The following DSG1 variants were observed in gnomAD, a reference collection of about 807,000 sequenced individuals.
DSG1 encodes desmoglein-1.
Under a neutral mutation model 97.5 loss-of-function variants are expected in DSG1, and 39 were observed. That is an observed-to-expected ratio of 0.40 (90% CI 0.31 to 0.52). The LOEUF is 0.52. Among genes scored for constraint, DSG1 ranks in the 20% least tolerant of loss-of-function variants. The pLI is 0.53. For missense variants in DSG1, 1,311 were observed against 1,295.4 expected (o/e 1.01, Z -0.18); for synonymous variants, 475 against 443.4 (o/e 1.07, Z -0.90).
At position 31,354,716 on chromosome 18, in the gene DSG1, T is replaced by G; in HGVS notation, c.2520T>G (p.Ser840=). 2 of 1,614,060 alleles carry G rather than the reference T, an allele frequency of 1.2e-6. No individual in the cohort carries two copies. Among genetic ancestry groups the G allele is most frequent in the Non-Finnish European group, 1.7e-6 (2 of 1,180,008 alleles). ...LGYGNVTVTE[S]YTTSDTLKPS... ...ATGGTAATGTCACTGTGACCGAGTCTTACACCACCTCTGACACTCTGAAGC... is the reference window on the plus strand; with the variant it reads ...ATGGTAATGTCACTGTGACCGAGTCGTACACCACCTCTGACACTCTGAAGC... Residue 840 remains serine, a synonymous_variant, in exon 15 of 15, where the codon TCT becomes TCG. Coordinates refer to ENST00000257192, the MANE Select transcript of DSG1 (RefSeq NM_001942.4).
At chr18:31,333,155 A>G (rs9304092) in intron 6 of DSG1, among the ~76,000 whole-genome samples, 2,335 of 152,314 alleles carry the variant, frequency 0.015, 63 homozygotes, top group African/African-American at 0.052. Context: ...ATACATCACC[A>G]ATAATTCCAC....
At chr18:31,325,269 A>T (rs1568039399) in intron 1 of DSG1, among the ~76,000 whole-genome samples, 1 of 152,212 alleles carries the variant, frequency 6.6e-6, no homozygotes, top group Non-Finnish European at 1.5e-5. Context: ...CCAGCTTCAT[A>T]AAGCTGGAAA....
At position 31,357,210 on chromosome 18, in the gene DSG1, G is replaced by C. The variant is rs1357547893; in HGVS notation, c.*1864G>C. 4.6e-5 allele frequency among the ~76,000 whole-genome samples: 7 copies of C among 152,018 alleles called. No homozygotes were observed. The highest frequency in any genetic ancestry group is 2.0e-4 in the Admixed American group (3 of 15,252). ...TAAGGCTAATATTTTAAAAGCCACA[G>C]TATACATCTTCTTTTAACTCTGTAG... On this transcript the variant is annotated 3_prime_UTR_variant, in exon 15 of 15. Transcript: ENST00000257192.
chr18:31,345,771 T>C (rs1469427089), intron 13 of DSG1, among the ~76,000 whole-genome samples: 2 of 152,198 alleles, frequency 1.3e-5, no homozygotes, highest in Admixed American at 6.5e-5. Flanking sequence ...GCAGAGAATA[T>C]AGTAATCTCT....
chr18:31,348,604 A>G (rs942561067), intron 14 of DSG1, among the ~76,000 whole-genome samples: 5 of 151,404 alleles, frequency 3.3e-5, no homozygotes, highest in Non-Finnish European at 5.9e-5. Flanking sequence ...AAGTGTTCCT[A>G]TTTCTCCACG....
chr18:31,356,667 A>G lies in DSG1; in HGVS notation c.*1321A>G, dbSNP rs2144131159. 1 of 152,284 alleles carries G rather than the reference A, an allele frequency of 6.6e-6. No homozygotes were observed. Among genetic ancestry groups the G allele is most frequent in the East Asian group, 1.9e-4 (1 of 5,180 alleles). 9.4% of individuals were successfully genotyped at this position (152,284 alleles called of 1,614,324 possible). A position where few individuals can be genotyped will look rare whatever the true frequency, so the allele number is the denominator to read the frequency against. ...AATAATAATAGAAACCTATTCTGCT[A>G]GTTTATCTCACCCTCTAATTTTTCT... On this transcript the variant is annotated 3_prime_UTR_variant, in exon 15 of 15. Coordinates refer to ENST00000257192, the MANE Select transcript of DSG1 (RefSeq NM_001942.4).
intron 14 of DSG1, among the ~76,000 whole-genome samples, chr18:31,347,264 T>G (rs961508177): frequency 6.6e-6 from 1 of 152,166 alleles, no homozygotes; most frequent in Admixed American, 6.5e-5. Flanking sequence ...CAACAAAATA[T>G]TTTGTTATAT....
At chr18:31,350,890 T>C (rs1208095866) in intron 14 of DSG1, among the ~76,000 whole-genome samples, 1 of 150,838 alleles carries the variant, frequency 6.6e-6, no homozygotes, top group Non-Finnish European at 1.5e-5. Context: ...TAGCAGTCTA[T>C]CAATTTTGTT....
At position 31,355,075 on chromosome 18, in the gene DSG1, G is replaced by A. The variant is rs999502011; in HGVS notation, c.2879G>A (p.Gly960Asp). The change falls in exon 15 of 15, where the codon GGC becomes GAC. Residue 960 changes from glycine to aspartate, a missense_variant. Around this residue, in one of 3 missense-constraint regions of DSG1, gnomAD observed 1,038 missense variants for 964.6 expected, o/e 1.08. Coordinates refer to ENST00000257192, the MANE Select transcript of DSG1 (RefSeq NM_001942.4). ...ACAGAGAGGGTTGTTTCTGGTGCTGGCGTAACTGGAATTAGTGGCACCACT... is the reference window on the plus strand; with the variant it reads ...ACAGAGAGGGTTGTTTCTGGTGCTGACGTAACTGGAATTAGTGGCACCACT... Reference protein sequence around the residue: ...IVTERVVSGAGVTGISGTTGI... With the variant: ...IVTERVVSGADVTGISGTTGI... 6.2e-7 allele frequency: 1 copy of A among 1,614,048 alleles called. No individual in the cohort carries two copies. Among genetic ancestry groups the A allele is most frequent in the African/African-American group, 1.3e-5 (1 of 74,914 alleles).
rs2071973128 is a variant in DSG1 at position 31,357,974 on chromosome 18, T to C, written c.*2628T>C. Among the ~76,000 whole-genome samples, 2 of 152,010 alleles carry C rather than the reference T, an allele frequency of 1.3e-5. No homozygotes were observed. The highest frequency in any genetic ancestry group is 4.8e-5 in the African/African-American group (2 of 41,436). On this transcript the variant is annotated 3_prime_UTR_variant, in exon 15 of 15. Transcript: ENST00000257192. The stretch of plus-strand genomic sequence containing the variant: ...ATGTCATTTTTCAATGAAGAAGTTT[T>C]GGGCAGAACTTCATTCTTCTTCTTA...
intron 4 of DSG1, among the ~76,000 whole-genome samples, chr18:31,329,603 A>G (rs1441131758): frequency 6.6e-6 from 1 of 151,864 alleles, no homozygotes; most frequent in Non-Finnish European, 1.5e-5. Flanking sequence ...TTTATATATG[A>G]AATATGCCAT....
At chr18:31,318,654 G>A (rs772998667) in intron 1 of DSG1, among the ~76,000 whole-genome samples, 7 of 151,716 alleles carry the variant, frequency 4.6e-5, no homozygotes, top group East Asian at 1.9e-4. Flanking sequence ...GCACTTTGTC[G>A]TTCAAAATCT....
At position 31,357,102 on chromosome 18, in the gene DSG1, A is replaced by T. The variant is rs1317838751; in HGVS notation, c.*1756A>T. ...ATTTCCCAGGAAATTACAAAGCCAA[A>T]GAATATTCAACTTCCTCCACTGGTC... is the stretch of plus-strand genomic sequence containing the variant. On this transcript the variant is annotated 3_prime_UTR_variant, in exon 15 of 15. Transcript: ENST00000257192. 2 of 152,110 alleles carry T rather than the reference A, an allele frequency of 1.3e-5. No individual in the cohort carries two copies. The highest frequency in any genetic ancestry group is 2.9e-5 in the Non-Finnish European group (2 of 67,942). The allele number at this position is 152,110 out of a possible 1,614,324, so 9.4% of individuals were successfully genotyped here. A position where few individuals can be genotyped will look rare whatever the true frequency, so the allele number is the denominator to read the frequency against.
At chr18:31,329,809 G>T (rs547689337) in intron 4 of DSG1, 83 bp from the exon 5 acceptor site, 1 of 1,505,688 alleles carries the variant, frequency 6.6e-7, no homozygotes, top group Non-Finnish European at 9.2e-7. Context: ...CTTTTAATTC[G>T]CCACAGTGCT....
At chr18:31,340,203 T>G (rs2071780355) in intron 11 of DSG1, among the ~76,000 whole-genome samples, 178 bp downstream of exon 11, 1 of 152,098 alleles carries the variant, frequency 6.6e-6, no homozygotes, top group South Asian at 2.1e-4. Flanking sequence ...TTTTGACCCC[T>G]TCTAAGACTG....
At chr18:31,327,593 C>G (rs1246760847) in intron 3 of DSG1, among the ~76,000 whole-genome samples, 1 of 152,060 alleles carries the variant, frequency 6.6e-6, no homozygotes, top group Non-Finnish European at 1.5e-5. Context: ...TACAGCCAAA[C>G]AATATTTTAT....
chr18:31,354,103 C>T, intron 14 of DSG1, 194 bp from the exon 15 acceptor site: 2 of 593,458 alleles, frequency 3.4e-6, no homozygotes. Context: ...TAGAATTATA[C>T]TTAAAATGAT....
Position 31,355,014 on chromosome 18 carries a change from C to A in DSG1, c.2818C>A (p.His940Asn), listed in dbSNP as rs754692290. The change falls in exon 15 of 15, where the codon CAC (histidine) becomes AAC (asparagine). Residue 940 changes from histidine to asparagine, a missense_variant. Transcript: ENST00000257192. ...CGGCATGATAGGTAGTCTGAGTATG[C>A]ACCCCGAGTTAGCCAATGCCCACAA... ...TSGMIGSLSM[H>N]PELANAHNVI... 1.9e-6 allele frequency: 3 copies of A among 1,614,092 alleles called. No homozygotes were observed. The highest frequency in any genetic ancestry group is 2.5e-6 in the Non-Finnish European group (3 of 1,180,038).
intron 9 of DSG1, among the ~76,000 whole-genome samples, chr18:31,338,080 G>A (rs2071765961): frequency 1.3e-5 from 2 of 152,138 alleles, no homozygotes; most frequent in South Asian, 2.1e-4. Flanking sequence ...GGCATAAAAA[G>A]ACATTCCATC....
Sources: gnomAD v4.1 joint callset for allele counts (sites outside exome capture counted in the v4.1 genomes callset) on GRCh38, gnomAD v4.1.1 for gene constraint, gnomAD v4.1.1 regional missense constraint, MANE v1.5 for transcripts, NCBI Gene and HGNC (gene_info 2026-07-23, HGNC 2026-07-21) for gene names.